TESMIN: variants seen among roughly 807,000 people sequenced by gnomAD.
TESMIN encodes the protein testis expressed metallothionein like protein.
Under a neutral mutation model 47.4 loss-of-function variants are expected in TESMIN, and 34 were observed. The ratio of observed to expected loss-of-function variants is 0.72; its 90% CI spans 0.55 to 0.96. The LOEUF (loss-of-function observed/expected upper bound fraction) is 0.96. TESMIN is among the 40% of genes least tolerant of loss of function. TESMIN has a pLI of 0.00. For missense variants in TESMIN, 610 were observed against 637.2 expected (o/e 0.96, Z 0.46); for synonymous variants, 278 against 258.9 (o/e 1.07, Z -0.71).
At chr11:68,706,971 C>A (rs1946004562), downstream of TESMIN, among the ~76,000 whole-genome samples, 1 of 152,196 alleles carries the variant, frequency 6.6e-6, no homozygotes, top group African/African-American at 2.4e-5. Flanking sequence ...GCTCCCCCAG[C>A]AGTGCGCCTC....
intron 6 of TESMIN, chr11:68,732,651 C>G (rs1375212684): frequency 6.5e-6 from 1 of 152,818 alleles, no homozygotes; most frequent in Non-Finnish European, 1.5e-5. Context: ...TTACCCAGAG[C>G]TGCGTCTTTA....
intron 6 of TESMIN, among the ~76,000 whole-genome samples, chr11:68,729,516 T>C (rs1358796514): frequency 6.7e-6 from 1 of 148,434 alleles, no homozygotes; most frequent in Non-Finnish European, 1.5e-5. Flanking sequence ...AGAGGAAGAC[T>C]CTGTCTCAAA....
Position 68,745,773 on chromosome 11 carries a change from T to C in TESMIN, c.631-662A>G, listed in dbSNP as rs146572121. On this transcript the variant is annotated intron_variant, in intron 3 of 9. Transcript: ENST00000255087. ...GCACTGTCAGACCCCCCTTGGATAC[T>C]GACCATAAATAAATGGTCGCAAGCC... Among the ~76,000 whole-genome samples, 429 of 152,358 alleles carry C rather than the reference T, an allele frequency of 2.8e-3. 3 individuals are homozygous for C. Among genetic ancestry groups the C allele is most frequent in the East Asian group, 0.021 (111 of 5,188 alleles).
rs1946011701 is a variant in TESMIN, at chr11:68,707,624, C to G, written c.*684G>C. 2 of 242,538 alleles carry G rather than the reference C, an allele frequency of 8.2e-6. No homozygotes were observed. Among genetic ancestry groups the G allele is most frequent in the Admixed American group, 8.4e-5 (2 of 23,804 alleles). 15.0% of individuals were successfully genotyped at this position (242,538 alleles called of 1,614,324 possible). The stretch of plus-strand genomic sequence containing the variant: ...TGGATAATAGAGCTTTTCCACAATT[C>G]AAGTAGAAACACAGAAGAAACTGGA... On this transcript the variant is annotated 3_prime_UTR_variant, in exon 10 of 10. Transcript: ENST00000255087.
intron 7 of TESMIN, 22 bp downstream of exon 7, chr11:68,715,815 A>G: frequency 6.8e-7 from 1 of 1,479,592 alleles, no homozygotes; most frequent in Non-Finnish European, 9.4e-7. Context: ...TAAAATGCAT[A>G]CATTTAATGG....
At chr11:68,738,390 C>T in intron 6 of TESMIN, 1 of 1,109,468 alleles carries the variant, frequency 9.0e-7, no homozygotes, top group Non-Finnish European at 1.1e-6. Flanking sequence ...CAGTTTGAAT[C>T]AACATGGAAT....
intron 7 of TESMIN, among the ~76,000 whole-genome samples, chr11:68,714,753 C>T (rs1946115742): frequency 6.6e-6 from 1 of 152,178 alleles, no homozygotes; most frequent in African/African-American, 2.4e-5. Context: ...GACATTGGCG[C>T]TTGCTTCTAT....
At chr11:68,742,917 C>T (rs1946474750) in intron 4 of TESMIN, among the ~76,000 whole-genome samples, 1 of 151,554 alleles carries the variant, frequency 6.6e-6, no homozygotes, top group African/African-American at 2.4e-5. Flanking sequence ...TGCTCTGTTG[C>T]CCAGGCTGGA....
At chr11:68,740,465 G>T (rs887180966) in intron 5 of TESMIN, among the ~76,000 whole-genome samples, 6 of 151,832 alleles carry the variant, frequency 4.0e-5, no homozygotes, top group Non-Finnish European at 7.3e-5. Flanking sequence ...GGCCAAATGG[G>T]TGTTTCTCAT....
intron 3 of TESMIN, among the ~76,000 whole-genome samples, chr11:68,746,818 C>G (rs1316105013): frequency 6.6e-6 from 1 of 152,166 alleles, no homozygotes; most frequent in African/African-American, 2.4e-5. Context: ...CAAGCGTTAC[C>G]TGTTATCATG....
chr11:68,710,166 A>T (rs1261233696), intron 9 of TESMIN, among the ~76,000 whole-genome samples: 1 of 152,182 alleles, frequency 6.6e-6, no homozygotes, highest in African/African-American at 2.4e-5. Context: ...TCTCAAAAAA[A>T]AGACCCCTGT....
At chr11:68,727,028 T>TG (rs1946272418) in intron 6 of TESMIN, among the ~76,000 whole-genome samples, 1 of 150,988 alleles carries the variant, frequency 6.6e-6, no homozygotes, top group Non-Finnish European at 1.5e-5. Flanking sequence ...CCTTTGCATA[T>TG]CAATTCATCC....
chr11:68,745,896 G>A (rs772535417), intron 3 of TESMIN, among the ~76,000 whole-genome samples: 91 of 152,330 alleles, frequency 6.0e-4, no homozygotes, highest in Non-Finnish European at 1.1e-3. Context: ...GGATAGAAAG[G>A]CGAGAGATGC....
rs1946018176 is a variant in TESMIN, at chr11:68,708,140, G to A, written c.*168C>T. The A allele has an allele frequency of 3.2e-6, 2 of 630,820 alleles. No individual in the cohort carries two copies. Among genetic ancestry groups the A allele is most frequent in the South Asian group, 2.0e-5 (1 of 49,090 alleles). The allele number at this position is 630,820 out of a possible 1,614,324, so 39.1% of individuals were successfully genotyped here. ...GCCATGCACCTCCTCAGAAAAGGGG[G>A]CATGGGTTGCCACATCTTCAGAGAG... On this transcript the variant is annotated 3_prime_UTR_variant, in exon 10 of 10. Coordinates refer to ENST00000255087, the MANE Select transcript of TESMIN (RefSeq NM_004923.3).
intron 7 of TESMIN, among the ~76,000 whole-genome samples, chr11:68,713,784 T>C (rs1193854322): frequency 2.6e-5 from 4 of 152,214 alleles, no homozygotes. Context: ...CAGCTCACAC[T>C]GCCTGATCAC....
At chr11:68,706,226 G>A (rs1448814982), downstream of TESMIN, among the ~76,000 whole-genome samples, 3 of 152,144 alleles carry the variant, frequency 2.0e-5, no homozygotes, top group Admixed American at 6.5e-5. Context: ...TCTGTATCTC[G>A]GCTTTCACTT....
At position 68,742,102 on chromosome 11, in the gene TESMIN, C is replaced by A. The variant is rs73517099; in HGVS notation, c.828+216G>T. On this transcript the variant is annotated intron_variant, in intron 5 of 9. Transcript: ENST00000255087. ...GAGGCTGCAGGAAAGGGCAAAAGGG[C>A]TTCATCAAGTTGGTGAAGAATAACT... 2.3e-3 allele frequency among the ~76,000 whole-genome samples: 350 copies of A among 152,334 alleles called. 2 individuals carry two copies. Among genetic ancestry groups the A allele is most frequent in the African/African-American group, 8.0e-3 (333 of 41,576 alleles).
In TESMIN at chr11:68,747,255, G is replaced by C. The variant is rs1484819462; in HGVS notation, c.583C>G (p.Leu195Val). ...AGAGAACAGCAGGAGGCATCCTCTA[G>C]TTCCTGGGACGATGGGAACTTGCAA... ...SCCKFPSSQE[L>V]EDASCCSLKK... Residue 195 changes from leucine (L) to valine (V), a missense_variant, in exon 3 of 10, where the codon CTA becomes GTA. Transcript: ENST00000255087. 6.2e-7 allele frequency: 1 copy of C among 1,614,162 alleles called. No individual in the cohort carries two copies. Among genetic ancestry groups the C allele is most frequent in the Admixed American group, 1.7e-5 (1 of 60,016 alleles).
chr11:68,737,399 G>A (rs924066952), intron 6 of TESMIN: 12 of 985,552 alleles, frequency 1.2e-5, no homozygotes, highest in Non-Finnish European at 1.2e-5. Flanking sequence ...GACCATGAGG[G>A]CTGATAGCGT....
Sources: allele counts gnomAD v4.1 joint callset (sites outside exome capture counted in the v4.1 genomes callset), GRCh38; gene constraint gnomAD v4.1.1; transcripts MANE v1.5; gene names NCBI Gene and HGNC (gene_info 2026-07-23, HGNC 2026-07-21).